The following WDR49 variants were observed in gnomAD, a reference collection of about 807,000 sequenced individuals.
The protein encoded by WDR49 is WD repeat domain 49.
In WDR49, 107 loss-of-function variants were observed where a neutral mutation model predicts 119.5. The ratio of observed to expected loss-of-function variants is 0.90; its 90% CI spans 0.77 to 1.05. The LOEUF is 1.05. Among genes scored for constraint, WDR49 ranks in the 50% least tolerant of loss-of-function variants. WDR49 has a pLI of 0.00. For synonymous variants in WDR49, 425 were observed against 418.8 expected, an observed-to-expected ratio of 1.01 and a Z score of -0.18; for missense variants, 1,240 against 1,220.5, an observed-to-expected ratio of 1.02 and a Z score of -0.24.
intron 18 of WDR49, among the ~76,000 whole-genome samples, chr3:167,494,734 T>C (rs923169081): frequency 6.6e-6 from 1 of 152,174 alleles, no homozygotes. Flanking sequence ...GTGTGATGTA[T>C]TGGAATCTAG....
intron 5 of WDR49, among the ~76,000 whole-genome samples, chr3:167,605,096 A>G (rs921264502): frequency 2.1e-4 from 27 of 128,160 alleles, no homozygotes; most frequent in Admixed American, 6.4e-4. Context: ...TAATATGTGT[A>G]TATATATACA....
At chr3:167,578,880 T>A (rs919313527) in intron 7 of WDR49, among the ~76,000 whole-genome samples, 2 of 152,196 alleles carry the variant, frequency 1.3e-5, no homozygotes, top group African/African-American at 4.8e-5. Flanking sequence ...ATGTCTACTA[T>A]CCTGTTTCCA....
rs865831141 is a variant in WDR49 at position 167,538,296 on chromosome 3, C to T, written c.1824-1296G>A. 1.1e-4 allele frequency among the ~76,000 whole-genome samples: 17 copies of T among 152,234 alleles called. 1 individual carries two copies. The South Asian group carries it at 2.9e-3, about 26-fold the overall frequency. ...AAATCCAAATTTGACATCTTCCCTC[C>T]ATACCAGCCCTCTGTCTGCAATTCC... is the stretch of plus-strand genomic sequence containing the variant. On this transcript the variant is annotated intron_variant, in intron 10 of 18. Transcript: ENST00000682715.
chr3:167,529,266 A>G (rs753338370), intron 13 of WDR49, 27 bp from the exon 14 acceptor site: 1 of 1,520,452 alleles, frequency 6.6e-7, no homozygotes, highest in Non-Finnish European at 8.8e-7. Context: ...AAATCTAACT[A>G]GAAAACTGAA....
chr3:167,631,201 G>A (rs1032536800), intron 2 of WDR49, among the ~76,000 whole-genome samples: 1 of 151,988 alleles, frequency 6.6e-6, no homozygotes, highest in Non-Finnish European at 1.5e-5. Context: ...AACCAACATG[G>A]CACATGTATA....
In WDR49 at chr3:167,648,278, T is replaced by C. The variant is rs549623965; in HGVS notation, c.165+4983A>G. On this transcript the variant is annotated intron_variant, in intron 2 of 18. Coordinates refer to ENST00000682715, the MANE Select transcript of WDR49 (RefSeq NM_001366157.1). ...CTTACTATACTTGAAAGGTATTCAA[T>C]TTTTATTCATCATTTTTACCTACAC... 2.0e-5 allele frequency among the ~76,000 whole-genome samples: 3 copies of C among 152,314 alleles called. No individual in the cohort carries two copies. The South Asian group carries it at 6.2e-4, about 32-fold the overall frequency.
chr3:167,480,539 T>C (rs756859398), intron 18 of WDR49, among the ~76,000 whole-genome samples: 3 of 152,188 alleles, frequency 2.0e-5, no homozygotes, highest in Non-Finnish European at 4.4e-5. Flanking sequence ...GGAAGTTATA[T>C]AGACCTTGGC....
chr3:167,545,509 T>TATATATATATATATTATATATTATA (rs535132359), intron 10 of WDR49, among the ~76,000 whole-genome samples: 1 of 108,298 alleles, frequency 9.2e-6, no homozygotes, highest in Non-Finnish European at 2.1e-5. Context: ...ATATTATATA[T>TATATATATATATATTATATATTATA]TATATATATA....
At chr3:167,550,013 G>T (rs903178944) in intron 10 of WDR49, among the ~76,000 whole-genome samples, 1 of 152,090 alleles carries the variant, frequency 6.6e-6, no homozygotes, top group Non-Finnish European at 1.5e-5. Context: ...TAGATGTGTG[G>T]TATTATTTCT....
At chr3:167,536,842 A>G in intron 11 of WDR49, 28 bp downstream of exon 11, 1 of 1,454,656 alleles carries the variant, frequency 6.9e-7, no homozygotes, top group Non-Finnish European at 9.1e-7. Flanking sequence ...AACTTCACCA[A>G]TGATTGTCAA....
At chr3:167,623,175 A>G (rs141827088) in intron 3 of WDR49, among the ~76,000 whole-genome samples, 4 of 152,220 alleles carry the variant, frequency 2.6e-5, no homozygotes, top group South Asian at 4.1e-4. Context: ...ACACCTCCCA[A>G]ATCATTTTAT....
chr3:167,621,450 A>T lies in WDR49; in HGVS notation c.783+17T>A, dbSNP rs773707351. 1 of 1,508,190 alleles carries T rather than the reference A, an allele frequency of 6.6e-7. No individual in the cohort carries two copies. Among genetic ancestry groups the T allele is most frequent in the African/African-American group, 1.4e-5 (1 of 71,928 alleles). 93.4% of individuals were successfully genotyped at this position (1,508,190 alleles called of 1,614,324 possible). On this transcript the variant is annotated intron_variant, in intron 4 of 18. Transcript: ENST00000682715. Reference sequence around the variant, plus strand: ...GATTAAATCCATAGTATTCAATCTTAATCTACCCTCACTTACCTTTCCAGT... The same window carrying T: ...GATTAAATCCATAGTATTCAATCTTTATCTACCCTCACTTACCTTTCCAGT...
chr3:167,559,556 A>C (rs1471531769), intron 9 of WDR49, among the ~76,000 whole-genome samples: 1 of 152,240 alleles, frequency 6.6e-6, no homozygotes, highest in Non-Finnish European at 1.5e-5. Context: ...AATGGATAAG[A>C]TTATGATTAT....
Position 167,531,103 on chromosome 3 carries a change from T to C in WDR49, c.2218+12A>G, listed in dbSNP as rs1752836001. 1 of 1,603,342 alleles carries C rather than the reference T, an allele frequency of 6.2e-7. No homozygotes were observed. Among genetic ancestry groups the C allele is most frequent in the South Asian group, 1.1e-5 (1 of 89,412 alleles). The stretch of plus-strand genomic sequence containing the variant: ...TTTCCAACTATATGTAAAATGTAAA[T>C]ATATATTTTACCTGTCACTGCAGTG... On this transcript the variant is annotated intron_variant, in intron 13 of 18. Coordinates refer to ENST00000682715, the MANE Select transcript of WDR49 (RefSeq NM_001366157.1).
At chr3:167,613,900 A>G (rs1388191631) in intron 5 of WDR49, among the ~76,000 whole-genome samples, 2 of 150,994 alleles carry the variant, frequency 1.3e-5, no homozygotes, top group Non-Finnish European at 3.0e-5. Flanking sequence ...AGCCGAGATC[A>G]TGCCACTGCA....
At chr3:167,587,664 T>C (rs1714889885) in intron 7 of WDR49, among the ~76,000 whole-genome samples, 1 of 152,054 alleles carries the variant, frequency 6.6e-6, no homozygotes, top group Non-Finnish European at 1.5e-5. Flanking sequence ...TTTGTATTTT[T>C]TGTAGAGATG....
rs931568276 is a variant in WDR49 at position 167,575,099 on chromosome 3, C to G, written c.1509+819G>C. 16 of 985,274 alleles carry G rather than the reference C, an allele frequency of 1.6e-5. No homozygotes were observed. The African/African-American group carries it at 2.8e-4, about 17-fold the overall frequency. 61.0% of individuals were successfully genotyped at this position (985,274 alleles called of 1,614,324 possible). ...GGAAAAGAAAGAATGGATTGAGTTA[C>G]TGTTTAATTGGCTGTAAGCTGGAGA... is the stretch of plus-strand genomic sequence containing the variant. On this transcript the variant is annotated intron_variant, in intron 8 of 18. Transcript: ENST00000682715.
intron 16 of WDR49, among the ~76,000 whole-genome samples, chr3:167,521,203 G>A (rs1752420189): frequency 6.6e-6 from 1 of 152,086 alleles, no homozygotes; most frequent in Non-Finnish European, 1.5e-5. Context: ...GTGCAGGACT[G>A]TAACAGAAAA....
intron 5 of WDR49, among the ~76,000 whole-genome samples, chr3:167,604,837 T>C (rs1715968108): frequency 6.6e-6 from 1 of 152,122 alleles, no homozygotes; most frequent in Non-Finnish European, 1.5e-5. Flanking sequence ...AGGCACCATC[T>C]AGGAAGCAGA....
Sources: allele counts gnomAD v4.1 joint callset (sites outside exome capture counted in the v4.1 genomes callset), GRCh38; gene constraint gnomAD v4.1.1; transcripts MANE v1.5; gene names NCBI Gene and HGNC (gene_info 2026-07-23, HGNC 2026-07-21).